The following TNR variants were observed in gnomAD, a reference collection of about 807,000 sequenced individuals.
The protein encoded by TNR is tenascin-R.
In TNR, 45 loss-of-function variants were observed where a neutral mutation model predicts 150.4. The observed-to-expected ratio is 0.30, with a 90% CI of 0.24 to 0.38. TNR has a LOEUF of 0.38. TNR is among the 10% of genes least tolerant of loss of function. The pLI, the probability that TNR is intolerant of heterozygous loss-of-function variation, is 1.00. For missense variants in TNR, 1,544 were observed against 1,759.1 expected (o/e 0.88, Z 2.19); for synonymous variants, 687 against 678.4 (o/e 1.01, Z -0.20).
intron 1 of TNR, among the ~76,000 whole-genome samples, chr1:175,622,925 C>T (rs74127369): frequency 0.012 from 1,876 of 152,244 alleles, 42 homozygotes; most frequent in African/African-American, 0.043. Flanking sequence ...TCTGTTTCCC[C>T]ATGTCTGTTT....
chr1:175,430,779 G>C (rs1391759838), intron 2 of TNR, among the ~76,000 whole-genome samples: 1 of 152,004 alleles, frequency 6.6e-6, no homozygotes, highest in Non-Finnish European at 1.5e-5. Flanking sequence ...TCCTCTCACT[G>C]TCTTTAGATA....
intron 1 of TNR, among the ~76,000 whole-genome samples, chr1:175,528,570 A>G (rs937491290): frequency 6.6e-6 from 1 of 152,184 alleles, no homozygotes; most frequent in Non-Finnish European, 1.5e-5. Context: ...ATTTTCTTTC[A>G]TTCATTCTCA....
chr1:175,499,502 A>G (rs781755551), intron 2 of TNR, among the ~76,000 whole-genome samples: 3 of 151,994 alleles, frequency 2.0e-5, no homozygotes, highest in Non-Finnish European at 4.4e-5. Context: ...TTGCATGTGC[A>G]GCCCCTGTTC....
intron 4 of TNR, among the ~76,000 whole-genome samples, chr1:175,397,805 T>A (rs546812309): frequency 6.6e-6 from 1 of 152,196 alleles, no homozygotes; most frequent in East Asian, 1.9e-4. Context: ...CACAGAGAAA[T>A]AGACTTTTGT....
chr1:175,592,062 G>A (rs543494495), intron 1 of TNR, among the ~76,000 whole-genome samples: 264 of 152,238 alleles, frequency 1.7e-3, no homozygotes, highest in Non-Finnish European at 3.2e-3. Context: ...TTTTACTGCA[G>A]CATCATGTAG....
intron 2 of TNR, among the ~76,000 whole-genome samples, chr1:175,487,148 T>C (rs981677548): frequency 2.6e-5 from 4 of 152,254 alleles, no homozygotes; most frequent in African/African-American, 9.6e-5. Context: ...TTTGTTAATT[T>C]TGGCTTTTGT....
chr1:175,337,740 C>A, intron 18 of TNR, 61 bp from the exon 19 acceptor site: 1 of 1,582,992 alleles, frequency 6.3e-7, no homozygotes, highest in Non-Finnish European at 8.6e-7. Context: ...ACAAGAGCTC[C>A]TTGGATCATA....
chr1:175,443,535 A>G (rs1299836570), intron 2 of TNR, among the ~76,000 whole-genome samples: 4 of 152,176 alleles, frequency 2.6e-5, no homozygotes, highest in Non-Finnish European at 5.9e-5. Flanking sequence ...GGGATACTGA[A>G]GCAAGATTGT....
chr1:175,634,789 A>C (rs1664444284), intron 1 of TNR, among the ~76,000 whole-genome samples: 1 of 152,210 alleles, frequency 6.6e-6, no homozygotes, highest in South Asian at 2.1e-4. Flanking sequence ...TGCCACTCCT[A>C]ATCGATATGC....
chr1:175,718,580 T>C (rs140170074), intron 1 of TNR, among the ~76,000 whole-genome samples: 210 of 152,332 alleles, frequency 1.4e-3, no homozygotes, highest in African/African-American at 4.6e-3. Flanking sequence ...CCTGGGCTTG[T>C]GGCAAAGCCA....
chr1:175,398,374 C>T (rs1478229656), intron 4 of TNR, among the ~76,000 whole-genome samples: 1 of 152,116 alleles, frequency 6.6e-6, no homozygotes, highest in African/African-American at 2.4e-5. Context: ...ATTTATAAAA[C>T]TCAAGAAGTG....
intron 1 of TNR, among the ~76,000 whole-genome samples, chr1:175,612,965 G>A (rs1663644305): frequency 6.6e-6 from 1 of 152,150 alleles, no homozygotes; most frequent in Non-Finnish European, 1.5e-5. Context: ...AGGCAATGAA[G>A]GTCTATGGTT....
chr1:175,444,795 G>T (rs1327088093), intron 2 of TNR, among the ~76,000 whole-genome samples: 1 of 152,164 alleles, frequency 6.6e-6, no homozygotes, highest in Non-Finnish European at 1.5e-5. Flanking sequence ...TTGCTGGGGA[G>T]GTGATGTTTC....
At chr1:175,702,883 C>G (rs1481005578) in intron 1 of TNR, among the ~76,000 whole-genome samples, 1 of 152,182 alleles carries the variant, frequency 6.6e-6, no homozygotes. Context: ...GGATCTGCCT[C>G]CATTTAAAAA....
chr1:175,583,651 G>C (rs529297236), intron 1 of TNR, among the ~76,000 whole-genome samples: 1 of 152,252 alleles, frequency 6.6e-6, no homozygotes, highest in African/African-American at 2.4e-5. Context: ...AACAACCTTA[G>C]TGGAAACAAG....
In TNR at chr1:175,403,134, G is replaced by C; in HGVS notation, c.976+6C>G. ...GCCAAACACCCCAGAGAGTTCCCCT[G>C]CCTACCTGCTGAGCAGTCAGGGCCC... On this transcript the variant is annotated splice_donor_region_variant and intron_variant, in intron 4 of 22. Transcript: ENST00000367674. 1.2e-6 allele frequency: 2 copies of C among 1,603,784 alleles called. No homozygotes were observed. The highest frequency in any genetic ancestry group is 1.7e-6 in the Non-Finnish European group (2 of 1,172,090).
At chr1:175,653,228 C>T (rs1571717328) in intron 1 of TNR, among the ~76,000 whole-genome samples, 1 of 152,154 alleles carries the variant, frequency 6.6e-6, no homozygotes, top group Non-Finnish European at 1.5e-5. Context: ...TTTGTGGCAG[C>T]TGGAAGTTGG....
At chr1:175,489,476 G>T (rs1179488186) in intron 2 of TNR, among the ~76,000 whole-genome samples, 2 of 152,222 alleles carry the variant, frequency 1.3e-5, no homozygotes, top group Non-Finnish European at 2.9e-5. Flanking sequence ...GCTGAGCCAA[G>T]CTGGACAGCG....
chr1:175,695,676 C>T (rs780820523), intron 1 of TNR, among the ~76,000 whole-genome samples: 6 of 152,216 alleles, frequency 3.9e-5, no homozygotes, highest in Non-Finnish European at 8.8e-5. Context: ...GAGTCCTACT[C>T]ATTGTCTTGA....
Sources: allele counts gnomAD v4.1 joint callset (sites outside exome capture counted in the v4.1 genomes callset), GRCh38; gene constraint gnomAD v4.1.1; transcripts MANE v1.5; gene names NCBI Gene and HGNC (gene_info 2026-07-23, HGNC 2026-07-21).